AMOTL1: variants seen among roughly 807,000 people sequenced by gnomAD.
AMOTL1 encodes angiomotin-like protein 1.
AMOTL1 carries 45 observed loss-of-function variants against 102.9 expected under a neutral mutation model. The observed-to-expected ratio is 0.44, with a 90% CI of 0.34 to 0.56. AMOTL1 has a LOEUF of 0.56. Among genes scored for constraint, AMOTL1 ranks in the 20% least tolerant of loss-of-function variants. The probability of loss-of-function intolerance (pLI) is 0.01; values close to 1 mark genes in which losing one functional copy is unlikely to be tolerated. For synonymous variants in AMOTL1, 481 were observed against 484.7 expected (o/e 0.99, Z 0.10); for missense variants, 1,114 against 1,225.6 (o/e 0.91, Z 1.36).
intron 3 of AMOTL1, among the ~76,000 whole-genome samples, chr11:94,814,998 T>C (rs928170576): frequency 6.6e-6 from 1 of 152,232 alleles, no homozygotes; most frequent in African/African-American, 2.4e-5. Context: ...AAACATTTAT[T>C]GAACACTTTT....
intron 1 of AMOTL1, among the ~76,000 whole-genome samples, chr11:94,723,605 G>A (rs2135447835): frequency 6.6e-6 from 1 of 152,184 alleles, no homozygotes; most frequent in East Asian, 1.9e-4. Context: ...TGGTTTCCAA[G>A]TGACTCAAAC....
At chr11:94,786,745 G>A (rs1309138617) in intron 1 of AMOTL1, among the ~76,000 whole-genome samples, 1 of 152,052 alleles carries the variant, frequency 6.6e-6, no homozygotes, top group Non-Finnish European at 1.5e-5. Flanking sequence ...TTTTACCTTC[G>A]TTTCCTGAGT....
chr11:94,868,524 C>T (rs1565389636), intron 11 of AMOTL1, among the ~76,000 whole-genome samples: 1 of 152,134 alleles, frequency 6.6e-6, no homozygotes, highest in Non-Finnish European at 1.5e-5. Flanking sequence ...GGCTAAGTGG[C>T]CTTTCCTAGG....
chr11:94,817,080 T>A (rs1951778468), intron 3 of AMOTL1, among the ~76,000 whole-genome samples: 1 of 152,172 alleles, frequency 6.6e-6, no homozygotes, highest in Non-Finnish European at 1.5e-5. Flanking sequence ...AAATTATATC[T>A]TATGGTCAAG....
rs1236473890 is a variant in AMOTL1 at position 94,715,362 on chromosome 11, G to A, written c.-51+8765G>A. Among the ~76,000 whole-genome samples, 10 of 151,964 alleles carry A rather than the reference G, an allele frequency of 6.6e-5. 1 individual carries two copies. The highest frequency in any genetic ancestry group is 5.9e-4 in the Admixed American group (9 of 15,228). On this transcript the variant is annotated intron_variant, in intron 1 of 4. Transcript: ENST00000299004. The stretch of plus-strand genomic sequence containing the variant: ...TATTATTTTTCTTTTGTAGAACTGG[G>A]GTCTTGCTATATTGCCCAGGCTAGT...
chr11:94,800,147 A>G lies in AMOTL1; in HGVS notation c.957A>G (p.Gln319=). The change falls in exon 3 of 13, where the codon CAA becomes CAG. Residue 319 remains glutamine, a synonymous_variant. Coordinates refer to ENST00000433060, the MANE Select transcript of AMOTL1 (RefSeq NM_130847.3). The stretch of plus-strand genomic sequence containing the variant: ...CTGAGTACCCCTTCAAGACCAAGCA[A>G]ATGATGTCCCCAGTCAGCAAGACCC... ...PPPEYPFKTK[Q]MMSPVSKTQE... is the part of the protein sequence containing the mutation. 6.2e-7 allele frequency: 1 copy of G among 1,613,862 alleles called. No homozygotes were observed.
rs1953070404 is a variant in AMOTL1, at chr11:94,874,888, G to T, written c.*4093G>T. The T allele has an allele frequency of 1.3e-5, 2 of 152,314 alleles. No homozygotes were observed. Among genetic ancestry groups the T allele is most frequent in the South Asian group, 4.1e-4 (2 of 4,820 alleles). The allele number at this position is 152,314 out of a possible 1,614,324, so 9.4% of individuals were successfully genotyped here. On this transcript the variant is annotated 3_prime_UTR_variant, in exon 13 of 13. Transcript: ENST00000433060. ...AAGAGATGTGTTTTTCAAAACCAGG[G>T]TTCAAAACCAGTGTCCACGCTGGAG...
In AMOTL1 at chr11:94,799,108, A is replaced by G. The variant is rs914092262; in HGVS notation, c.200-282A>G. 1.3e-5 allele frequency among the ~76,000 whole-genome samples: 2 copies of G among 151,860 alleles called. No homozygotes were observed. Among genetic ancestry groups the G allele is most frequent in the Non-Finnish European group, 2.9e-5 (2 of 67,966 alleles). On this transcript the variant is annotated intron_variant, in intron 2 of 12. Transcript: ENST00000433060. The surrounding 1 kb of genome is among the most constrained non-coding windows in gnomAD (Gnocchi z 4.5). The stretch of plus-strand genomic sequence containing the variant: ...AAGACTTGGGTATATTTATGTGATG[A>G]AGAGAAAGGACCGGTGGGGAGATTA...
At chr11:94,747,947 G>A (rs1410730677) in intron 3 of AMOTL1, among the ~76,000 whole-genome samples, 11 of 152,190 alleles carry the variant, frequency 7.2e-5, no homozygotes, top group African/African-American at 2.7e-4. Context: ...CACCCAGATG[G>A]AATGGGGTGG....
intron 1 of AMOTL1, chr11:94,706,634 G>A (rs1302346537): frequency 6.6e-6 from 1 of 152,196 alleles, no homozygotes; most frequent in East Asian, 1.9e-4. Flanking sequence ...TCACTCTAGG[G>A]AACCTTAACA....
intron 1 of AMOTL1, chr11:94,728,912 T>G (rs1454200465): frequency 8.6e-7 from 1 of 1,167,428 alleles, no homozygotes; most frequent in Non-Finnish European, 1.1e-6. Flanking sequence ...TATTCATTAT[T>G]TATTTCAGGA....
chr11:94,749,013 C>A (rs943101667), intron 3 of AMOTL1, among the ~76,000 whole-genome samples: 1 of 152,114 alleles, frequency 6.6e-6, no homozygotes, highest in Non-Finnish European at 1.5e-5. Context: ...AGAGACAGAA[C>A]AAATAGGATA....
At position 94,870,852 on chromosome 11, in the gene AMOTL1, G is replaced by A; in HGVS notation, c.*57G>A. 1 of 1,400,086 alleles carries A rather than the reference G, an allele frequency of 7.1e-7. No individual in the cohort carries two copies. Among genetic ancestry groups the A allele is most frequent in the Non-Finnish European group, 9.8e-7 (1 of 1,025,300 alleles). The allele number at this position is 1,400,086 out of a possible 1,614,324, so 86.7% of individuals were successfully genotyped here. A position where few individuals can be genotyped will look rare whatever the true frequency, so the allele number is the denominator to read the frequency against. ...ACTGACAAACAAGGAAAGCGGCAGA[G>A]AAAGAAGAAAGACCTAGAAGGTTGT... On this transcript the variant is annotated 3_prime_UTR_variant, in exon 13 of 13. Coordinates refer to ENST00000433060, the MANE Select transcript of AMOTL1 (RefSeq NM_130847.3).
intron 9 of AMOTL1, among the ~76,000 whole-genome samples, 158 bp downstream of exon 9, chr11:94,859,873 G>T (rs139683664): frequency 1.3e-5 from 2 of 152,296 alleles, no homozygotes; most frequent in African/African-American, 4.8e-5. Context: ...GAGCAAAGTG[G>T]TATAACATTT....
intron 1 of AMOTL1, among the ~76,000 whole-genome samples, chr11:94,709,411 T>A (rs1315533766): frequency 6.6e-6 from 1 of 152,068 alleles, no homozygotes; most frequent in East Asian, 1.9e-4. Flanking sequence ...TTTCATGGTG[T>A]AAATACTCCC....
rs139693525 is a variant in AMOTL1, at chr11:94,782,454, T to C, written c.50-12557T>C. On this transcript the variant is annotated intron_variant, in intron 1 of 12. Transcript: ENST00000433060. ...ATATTATATACTTGAAATGTTTCAA[T>C]GTATGGAAGATCTCTATAATTCATT... Among the ~76,000 whole-genome samples the C allele has an allele frequency of 6.8e-4, 103 of 152,328 alleles. 1 individual carries two copies. The highest frequency in any genetic ancestry group is 2.3e-3 in the African/African-American group (97 of 41,574).
chr11:94,866,337 T>C (rs1251474539), intron 11 of AMOTL1, 169 bp downstream of exon 11: 1 of 671,086 alleles, frequency 1.5e-6, no homozygotes, highest in Non-Finnish European at 2.5e-6. Flanking sequence ...TGTGGAAGCA[T>C]TGTGTAAATT....
intron 3 of AMOTL1, 30 bp downstream of exon 3, chr11:94,800,341 G>T (rs760425311): frequency 6.5e-7 from 1 of 1,535,940 alleles, no homozygotes; most frequent in Non-Finnish European, 8.7e-7. Flanking sequence ...GTTTCGTGCG[G>T]CTTTTCAAAA....
chr11:94,713,573 C>T (rs1397004437), intron 1 of AMOTL1, among the ~76,000 whole-genome samples: 4 of 151,614 alleles, frequency 2.6e-5, no homozygotes, highest in African/African-American at 9.7e-5. Context: ...TTATAATTTT[C>T]AATATACAGA....
Sources: gnomAD v4.1 joint callset for allele counts (sites outside exome capture counted in the v4.1 genomes callset) on GRCh38, gnomAD v4.1.1 for gene constraint, Gnocchi (gnomAD v3.1) non-coding constraint, MANE v1.5 for transcripts, NCBI Gene and HGNC (gene_info 2026-07-23, HGNC 2026-07-21) for gene names.